Variants in EPC2 observed in about 807,000 individuals in gnomAD.
EPC2 encodes enhancer of polycomb homolog 2.
EPC2 carries 14 observed loss-of-function variants against 92.1 expected under a neutral mutation model. That is an observed-to-expected ratio of 0.15 (90% CI 0.10 to 0.24). The LOEUF is 0.24. Among genes scored for constraint, EPC2 ranks in the 10% least tolerant of loss-of-function variants. The probability of loss-of-function intolerance (pLI) is 1.00; values close to 1 mark genes in which losing one functional copy is unlikely to be tolerated. For synonymous variants in EPC2, 340 were observed against 334.7 expected, an observed-to-expected ratio of 1.02 and a Z score of -0.17; for missense variants, 755 against 971.5, an observed-to-expected ratio of 0.78 and a Z score of 2.96.
At chr2:148,661,256 G>T (rs571924168) in intron 1 of EPC2, among the ~76,000 whole-genome samples, 2 of 152,022 alleles carry the variant, frequency 1.3e-5, no homozygotes, top group African/African-American at 4.8e-5. Flanking sequence ...GGTTGGTTTT[G>T]TGCATTTTTT....
rs181512906 is a variant in EPC2 at position 148,741,634 on chromosome 2, C to T, written c.314-1988C>T. On this transcript the variant is annotated intron_variant, in intron 2 of 13. Transcript: ENST00000258484. ...GAATGTAGGATATTCATTTACACAT[C>T]GCTGCACAGACAGCCTCTATATAAC... Among the ~76,000 whole-genome samples the T allele has an allele frequency of 1.5e-4, 23 of 152,222 alleles. No individual in the cohort carries two copies. The East Asian group carries it at 2.3e-3, about 15-fold the overall frequency.
chr2:148,703,075 A>G (rs1681921099), intron 2 of EPC2, among the ~76,000 whole-genome samples: 1 of 152,238 alleles, frequency 6.6e-6, no homozygotes, highest in East Asian at 1.9e-4. Flanking sequence ...GGAACTTAAA[A>G]TACAGGATTT....
At chr2:148,663,989 A>G (rs1012466802) in intron 1 of EPC2, among the ~76,000 whole-genome samples, 8 of 152,006 alleles carry the variant, frequency 5.3e-5, no homozygotes, top group Non-Finnish European at 7.4e-5. Context: ...GACCCCTGCT[A>G]TATAGTACAT....
intron 2 of EPC2, among the ~76,000 whole-genome samples, chr2:148,734,065 C>G (rs1170833667): frequency 6.6e-6 from 1 of 152,086 alleles, no homozygotes; most frequent in Non-Finnish European, 1.5e-5. Context: ...CTTAGCAAGT[C>G]CCCATGCCTG....
At chr2:148,655,058 G>A (rs1680762822) in intron 1 of EPC2, among the ~76,000 whole-genome samples, 1 of 152,210 alleles carries the variant, frequency 6.6e-6, no homozygotes, top group Non-Finnish European at 1.5e-5. Flanking sequence ...GTATGGTATT[G>A]ATGAGGGTAG....
intron 10 of EPC2, among the ~76,000 whole-genome samples, chr2:148,778,289 G>T (rs1360532206): frequency 1.3e-5 from 2 of 152,114 alleles, no homozygotes; most frequent in Non-Finnish European, 2.9e-5. Context: ...TTTCCCTTTT[G>T]TACATTCCCA....
intron 7 of EPC2, 56 bp downstream of exon 7, chr2:148,765,202 A>AT (rs1212409061): frequency 1.6e-6 from 2 of 1,268,944 alleles, no homozygotes; most frequent in Non-Finnish European, 1.1e-6. Context: ...ATATTGCTAT[A>AT]TTTTTAAAAC....
chr2:148,706,860 G>A (rs1384040187), intron 2 of EPC2, among the ~76,000 whole-genome samples: 1 of 152,152 alleles, frequency 6.6e-6, no homozygotes. Flanking sequence ...ACTAAACATG[G>A]AAAGGAACAA....
intron 2 of EPC2, among the ~76,000 whole-genome samples, chr2:148,731,213 T>C (rs1394970047): frequency 1.3e-5 from 2 of 152,148 alleles, no homozygotes; most frequent in Non-Finnish European, 2.9e-5. Flanking sequence ...TGAAAAGTTA[T>C]ATAAGAAAGG....
intron 1 of EPC2, among the ~76,000 whole-genome samples, chr2:148,650,291 A>G (rs958740654): frequency 1.3e-5 from 2 of 152,144 alleles, no homozygotes; most frequent in Admixed American, 1.3e-4. Context: ...ATCTATCTAT[A>G]TATAAAATTT....
intron 2 of EPC2, among the ~76,000 whole-genome samples, chr2:148,718,850 A>G (rs1682307547): frequency 6.6e-6 from 1 of 151,782 alleles, no homozygotes; most frequent in South Asian, 2.1e-4. Flanking sequence ...CTTGGTTCCA[A>G]CTCCCCATCA....
intron 2 of EPC2, among the ~76,000 whole-genome samples, chr2:148,712,418 G>T (rs771572057): frequency 1.3e-5 from 2 of 151,784 alleles, no homozygotes; most frequent in Admixed American, 6.6e-5. Context: ...TCGACACACA[G>T]ACACACACAC....
At chr2:148,734,400 AGT>A (rs529778694) in intron 2 of EPC2, among the ~76,000 whole-genome samples, 4 of 152,198 alleles carry the variant, frequency 2.6e-5, no homozygotes, top group Admixed American at 2.6e-4. Context: ...TATGATTTCC[AGT>A]TATTCATAGT....
intron 4 of EPC2, among the ~76,000 whole-genome samples, chr2:148,760,749 T>C: frequency 6.6e-6 from 1 of 152,348 alleles, no homozygotes; most frequent in Middle Eastern, 3.4e-3. Context: ...TATATGACTA[T>C]TATTTTTCAA....
chr2:148,660,093 C>T (rs1680902100), intron 1 of EPC2, among the ~76,000 whole-genome samples: 1 of 152,100 alleles, frequency 6.6e-6, no homozygotes, highest in Non-Finnish European at 1.5e-5. Context: ...TAAATTTCCA[C>T]ATCTCTGAGA....
chr2:148,678,830 G>A (rs1366145529), intron 1 of EPC2, among the ~76,000 whole-genome samples: 1 of 152,206 alleles, frequency 6.6e-6, no homozygotes, highest in East Asian at 1.9e-4. Flanking sequence ...CCAGAAAGGG[G>A]CTCCCACAGT....
At chr2:148,755,173 A>G (rs1683162482) in intron 4 of EPC2, among the ~76,000 whole-genome samples, 1 of 152,142 alleles carries the variant, frequency 6.6e-6, no homozygotes. Flanking sequence ...ACATTAGAGG[A>G]TGGATTTCCC....
intron 2 of EPC2, among the ~76,000 whole-genome samples, chr2:148,727,879 T>A (rs189026527): frequency 2.4e-4 from 37 of 152,044 alleles, no homozygotes; most frequent in Admixed American, 2.4e-3. Context: ...AAAAATAAAC[T>A]CACTTCTGTA....
Position 148,743,740 on chromosome 2 carries a change from C to G in EPC2, c.432C>G (p.Asp144Glu). The change falls in exon 3 of 14, where the codon GAC becomes GAG. Residue 144 changes from aspartate to glutamate, a missense_variant. Around this residue, in one of 4 missense-constraint regions of EPC2, gnomAD observed 509 missense variants for 607.7 expected, o/e 0.84. Transcript: ENST00000258484. ...CTTTGCAATTTGAAATTATGATTGA[C>G]AGACTTGAAAAAGCCAGTTCTAATC... ...IKPLQFEIMI[D>E]RLEKASSNQL... 6.2e-7 allele frequency: 1 copy of G among 1,600,606 alleles called. No homozygotes were observed. Among genetic ancestry groups the G allele is most frequent in the Non-Finnish European group, 8.5e-7 (1 of 1,174,740 alleles).
Sources: allele counts gnomAD v4.1 joint callset (sites outside exome capture counted in the v4.1 genomes callset), GRCh38; gene constraint gnomAD v4.1.1; regional missense constraint gnomAD v4.1.1; transcripts MANE v1.5; gene names NCBI Gene and HGNC (gene_info 2026-07-23, HGNC 2026-07-21).